The following TRIM2 variants were observed in gnomAD, a reference collection of about 807,000 sequenced individuals.
The protein encoded by TRIM2 is tripartite motif-containing protein 2.
A neutral mutation model predicts 75.2 loss-of-function variants in TRIM2; 20 were observed. That is an observed-to-expected ratio of 0.27 (90% CI 0.19 to 0.39). The LOEUF (loss-of-function observed/expected upper bound fraction) is 0.39. Among genes scored for constraint, TRIM2 ranks in the 10% least tolerant of loss-of-function variants. The probability of loss-of-function intolerance (pLI) is 1.00; values close to 1 mark genes in which losing one functional copy is unlikely to be tolerated. For missense variants in TRIM2, 660 were observed against 990.8 expected (o/e 0.67, Z 4.48); for synonymous variants, 373 against 388.3 (o/e 0.96, Z 0.46).
At chr4:153,326,297 G>A (rs968767895) in intron 10 of TRIM2, among the ~76,000 whole-genome samples, 14 of 152,160 alleles carry the variant, frequency 9.2e-5, no homozygotes, top group African/African-American at 3.1e-4. Context: ...CAAGTTTTCA[G>A]CATGGTAGAA....
intron 1 of TRIM2, among the ~76,000 whole-genome samples, chr4:153,244,389 TCTTCTTCTTCTTCTTCTTCTTCTTC>T (rs1748238730): frequency 2.5e-5 from 2 of 78,784 alleles, no homozygotes; most frequent in African/African-American, 1.8e-4. Flanking sequence ...TTCTTCTTCT[TCTTCTTCTTCTTCTTCTTCTTCTTC>T]TTCTTCTTCT....
chr4:153,259,130 T>G (rs1752781611), intron 1 of TRIM2, among the ~76,000 whole-genome samples: 3 of 152,262 alleles, frequency 2.0e-5, no homozygotes. Flanking sequence ...TAGAACGTGC[T>G]GTTTCAAGAT....
In TRIM2 at chr4:153,231,635, A is replaced by G. The variant is rs184603751; in HGVS notation, c.30+27075A>G. Among the ~76,000 whole-genome samples the G allele has an allele frequency of 1.1e-4, 16 of 152,320 alleles. No individual in the cohort carries two copies. The East Asian group carries it at 2.9e-3, about 28-fold the overall frequency. On this transcript the variant is annotated intron_variant, in intron 1 of 11. Coordinates refer to ENST00000338700, the MANE Select transcript of TRIM2 (RefSeq NM_015271.5). ...GATCTTCAGTGCCTATTGGAGAAAT[A>G]CAGACTTGATGCTTAGGTGCTCTAA...
intron 1 of TRIM2, among the ~76,000 whole-genome samples, chr4:153,191,988 T>A (rs1733238251): frequency 6.6e-6 from 1 of 152,204 alleles, no homozygotes; most frequent in South Asian, 2.1e-4. Flanking sequence ...GGGTTTATTG[T>A]CCAGTCAGCC....
Position 153,335,086 on chromosome 4 carries a change from C to T in TRIM2, c.*120C>T. On this transcript the variant is annotated 3_prime_UTR_variant, in exon 12 of 12. Transcript: ENST00000338700. ...CCAGAAGGAATCATTGGTGAACTTT[C>T]CAAGGTTATTTCTGAATGTAACAAT... 1 of 1,325,532 alleles carries T rather than the reference C, an allele frequency of 7.5e-7. No individual in the cohort carries two copies. Among genetic ancestry groups the T allele is most frequent in the South Asian group, 2.6e-5 (1 of 38,870 alleles). 82.1% of individuals were successfully genotyped at this position (1,325,532 alleles called of 1,614,324 possible).
intron 1 of TRIM2, among the ~76,000 whole-genome samples, chr4:153,199,249 C>A (rs566761850): frequency 6.6e-6 from 1 of 152,280 alleles, no homozygotes; most frequent in East Asian, 1.9e-4. Flanking sequence ...GTTGTCAGTT[C>A]ATTTCCTGTT....
In TRIM2 at chr4:153,299,355, G is replaced by GTATA. The variant is rs139493331; in HGVS notation, c.1510+3330_1510+3333dup. ...ATAGTATTCCATTGTGTGTGTATGTGTATATATATATATACACACAGTGAA... is the reference window on the plus strand; with the variant it reads ...ATAGTATTCCATTGTGTGTGTATGTGTATATATATATATATATACACACAGTGAA... On this transcript the variant is annotated intron_variant, in intron 6 of 11. Transcript: ENST00000338700. Among the ~76,000 whole-genome samples, 47 of 150,628 alleles carry GTATA rather than the reference G, an allele frequency of 3.1e-4. 1 individual carries two copies. Among genetic ancestry groups the GTATA allele is most frequent in the African/African-American group, 9.5e-4 (39 of 41,088 alleles).
intron 1 of TRIM2, among the ~76,000 whole-genome samples, chr4:153,163,245 G>A (rs766483374): frequency 6.6e-6 from 1 of 152,088 alleles, no homozygotes; most frequent in Non-Finnish European, 1.5e-5. Context: ...GAGTGCAGGG[G>A]CGCAATCTTG....
chr4:153,303,361 T>C (rs886471112), intron 6 of TRIM2, among the ~76,000 whole-genome samples: 1 of 150,966 alleles, frequency 6.6e-6, no homozygotes, highest in Non-Finnish European at 1.5e-5. Flanking sequence ...TAATCCCAGC[T>C]ACCTGGGAGG....
intron 1 of TRIM2, among the ~76,000 whole-genome samples, chr4:153,164,535 C>T (rs1281623702): frequency 6.6e-6 from 1 of 152,022 alleles, no homozygotes; most frequent in African/African-American, 2.4e-5. Context: ...AATATATTTA[C>T]ATAGTTCAAC....
At chr4:153,297,898 G>T (rs1305275255) in intron 6 of TRIM2, among the ~76,000 whole-genome samples, 1 of 152,190 alleles carries the variant, frequency 6.6e-6, no homozygotes, top group African/African-American at 2.4e-5. Flanking sequence ...CGTGGCATGT[G>T]CCTGTGTACA....
chr4:153,228,765 A>G (rs1742845044), intron 1 of TRIM2, among the ~76,000 whole-genome samples: 1 of 152,274 alleles, frequency 6.6e-6, no homozygotes, highest in African/African-American at 2.4e-5. Flanking sequence ...GTCATGTACA[A>G]TCAAGTGACC....
chr4:153,185,716 C>T (rs542377842), intron 1 of TRIM2, among the ~76,000 whole-genome samples: 27 of 152,210 alleles, frequency 1.8e-4, no homozygotes, highest in African/African-American at 6.5e-4. Flanking sequence ...GAGGAGATGC[C>T]TCTATCTCTG....
intron 1 of TRIM2, among the ~76,000 whole-genome samples, chr4:153,189,742 G>A (rs1295564609): frequency 6.6e-6 from 1 of 152,188 alleles, no homozygotes; most frequent in Non-Finnish European, 1.5e-5. Flanking sequence ...GAACACTGTA[G>A]CCACCTGCGG....
chr4:153,303,834 G>T (rs905636827), intron 6 of TRIM2, among the ~76,000 whole-genome samples: 1 of 152,084 alleles, frequency 6.6e-6, no homozygotes, highest in Non-Finnish European at 1.5e-5. Flanking sequence ...TATTTTTTGG[G>T]GTAATTTCAA....
chr4:153,295,239 C>T lies in TRIM2; in HGVS notation c.787-74C>T. 2.1e-6 allele frequency: 3 copies of T among 1,460,154 alleles called. No individual in the cohort carries two copies. Among genetic ancestry groups the T allele is most frequent in the Middle Eastern group, 2.5e-4 (1 of 3,922 alleles). The allele number at this position is 1,460,154 out of a possible 1,614,324, so 90.4% of individuals were successfully genotyped here. A position where few individuals can be genotyped will look rare whatever the true frequency, so the allele number is the denominator to read the frequency against. On this transcript the variant is annotated intron_variant, in intron 5 of 11. Transcript: ENST00000338700. The surrounding 1 kb of genome is among the most constrained non-coding windows in gnomAD (Gnocchi z 7.2). ...GGGCAGGTGTAGAGTCTCCTTCTCG[C>T]CGGTGGAGGGCACTGCCCCGGGCTA...
intron 6 of TRIM2, among the ~76,000 whole-genome samples, chr4:153,305,543 G>T (rs1369419326): frequency 2.6e-5 from 4 of 152,222 alleles, no homozygotes; most frequent in Non-Finnish European, 4.4e-5. Flanking sequence ...TCATGGTTCT[G>T]GAGGCTGTGA....
intron 1 of TRIM2, chr4:153,266,973 A>G (rs1755329760): frequency 6.8e-6 from 1 of 146,240 alleles, no homozygotes; most frequent in African/African-American, 2.5e-5. Context: ...ACTGGTTGTG[A>G]TCGGTTACCT....
Position 153,270,421 on chromosome 4 carries a change from G to T in TRIM2, c.117G>T (p.Val39=). The part of the protein sequence containing the change: ...ASEGTNIPSP[V]VRQIDKQFLI... Reference sequence around the variant, plus strand: ...AAGGCACCAACATCCCAAGTCCTGTGGTGCGCCAGATTGACAAGCAGTTTC... The same window carrying T: ...AAGGCACCAACATCCCAAGTCCTGTTGTGCGCCAGATTGACAAGCAGTTTC... The change falls in exon 2 of 12, where the codon GTG becomes GTT. Residue 39 remains valine, a synonymous_variant. Transcript: ENST00000338700. The T allele has an allele frequency of 6.2e-7, 1 of 1,614,024 alleles. No individual in the cohort carries two copies. The highest frequency in any genetic ancestry group is 8.5e-7 in the Non-Finnish European group (1 of 1,179,966).
Sources: gnomAD v4.1 joint callset for allele counts (sites outside exome capture counted in the v4.1 genomes callset) on GRCh38, gnomAD v4.1.1 for gene constraint, Gnocchi (gnomAD v3.1) non-coding constraint, MANE v1.5 for transcripts, NCBI Gene and HGNC (gene_info 2026-07-23, HGNC 2026-07-21) for gene names.